The following ATP2C2 variants were observed in gnomAD, a reference collection of about 807,000 sequenced individuals.
ATP2C2 encodes calcium-transporting ATPase type 2C member 2.
In ATP2C2, 171 loss-of-function variants were observed where a neutral mutation model predicts 110.8. The ratio of observed to expected loss-of-function variants is 1.54; its 90% CI spans 1.36 to 1.75. The LOEUF is 1.75. Among genes scored for constraint, ATP2C2 ranks in the 40% most tolerant of loss-of-function variants. The pLI is 0.00. For synonymous variants in ATP2C2, 804 were observed against 508.4 expected (o/e 1.58, Z -7.82); for missense variants, 1,963 against 1,235.0 (o/e 1.59, Z -8.84).
intron 6 of ATP2C2, among the ~76,000 whole-genome samples, chr16:84,411,600 C>G (rs1172295830): frequency 6.6e-6 from 1 of 152,144 alleles, no homozygotes; most frequent in African/African-American, 2.4e-5. Context: ...CACCACTACA[C>G]CTGGCTAATT....
At chr16:84,440,983 G>GA in intron 14 of ATP2C2, 25 bp downstream of exon 14, 1 of 1,561,894 alleles carries the variant, frequency 6.4e-7, no homozygotes, top group Non-Finnish European at 8.8e-7. Flanking sequence ...CGCCATGAGG[G>GA]AAATAGGCAT....
intron 1 of ATP2C2, 73 bp downstream of exon 1, chr16:84,368,787 C>G (rs577340770): frequency 7.9e-7 from 1 of 1,257,866 alleles, no homozygotes; most frequent in Non-Finnish European, 1.1e-6. Context: ...GTCCCCGGCC[C>G]GAGACCCCGC....
At chr16:84,386,793 A>G (rs1904338728) in intron 1 of ATP2C2, among the ~76,000 whole-genome samples, 1 of 152,194 alleles carries the variant, frequency 6.6e-6, no homozygotes, top group Non-Finnish European at 1.5e-5. Flanking sequence ...TGTGACTCAG[A>G]AAAGTCAAGC....
chr16:84,430,515 C>T (rs1239100072), intron 11 of ATP2C2, among the ~76,000 whole-genome samples: 1 of 151,968 alleles, frequency 6.6e-6, no homozygotes, highest in African/African-American at 2.4e-5. Flanking sequence ...GTGGCACGTG[C>T]CTATAATCCC....
chr16:84,390,772 TTTG>T, intron 1 of ATP2C2, among the ~76,000 whole-genome samples: 1 of 152,164 alleles, frequency 6.6e-6, no homozygotes, highest in African/African-American at 2.4e-5. Context: ...CAGTTAATTT[TTTG>T]TTATGTGGAT....
At chr16:84,380,228 C>T (rs1910495785) in intron 1 of ATP2C2, among the ~76,000 whole-genome samples, 1 of 152,108 alleles carries the variant, frequency 6.6e-6, no homozygotes, top group Non-Finnish European at 1.5e-5. Flanking sequence ...CTCCTTCTAC[C>T]CCCTCCCCCA....
chr16:84,390,543 A>G (rs915100972), intron 1 of ATP2C2, among the ~76,000 whole-genome samples: 1 of 152,218 alleles, frequency 6.6e-6, no homozygotes, highest in East Asian at 1.9e-4. Flanking sequence ...AAGGAGGCAC[A>G]GACACAGAAG....
At chr16:84,386,625 C>T (rs1904332688) in intron 1 of ATP2C2, among the ~76,000 whole-genome samples, 1 of 152,198 alleles carries the variant, frequency 6.6e-6, no homozygotes, top group Non-Finnish European at 1.5e-5. Flanking sequence ...ACTGCGTATG[C>T]ACACACAGAC....
intron 3 of ATP2C2, among the ~76,000 whole-genome samples, chr16:84,408,133 T>A (rs534787978): frequency 6.6e-6 from 1 of 152,270 alleles, no homozygotes; most frequent in Admixed American, 6.5e-5. Context: ...CATGGAGATG[T>A]GGAGAGGCGA....
In ATP2C2 at chr16:84,398,537, G is replaced by A. The variant is rs764649566; in HGVS notation, c.138G>A (p.Glu46=). The A allele has an allele frequency of 6.2e-6, 10 of 1,613,530 alleles. No homozygotes were observed. In the Admixed American group the frequency reaches 1.5e-4, roughly 24 times the overall value. The part of the protein sequence containing the change: ...EQSELKAIEK[E]KKVTALPPKE... ...GTGAGCTGAAAGCCATCGAGAAAGA[G>A]AAGAAGGTGACAGCCCTGCCCCCCA... is the stretch of plus-strand genomic sequence containing the variant. Residue 46 remains glutamate (E), a synonymous_variant, in exon 2 of 27, where the codon GAG becomes GAA. Transcript: ENST00000262429.
At chr16:84,400,324 T>TTTTAG (rs1219666546) in intron 2 of ATP2C2, among the ~76,000 whole-genome samples, 1 of 136,372 alleles carries the variant, frequency 7.3e-6, no homozygotes. Flanking sequence ...TATTTTTAGT[T>TTTTAG]TTTTGTTGTT....
chr16:84,389,132 T>C (rs2151406736), intron 1 of ATP2C2, among the ~76,000 whole-genome samples: 1 of 152,292 alleles, frequency 6.6e-6, no homozygotes, highest in Non-Finnish European at 1.5e-5. Context: ...CTCTTCTCTT[T>C]CTCTGAAACC....
chr16:84,381,791 A>G (rs142850704), intron 1 of ATP2C2, among the ~76,000 whole-genome samples: 1 of 152,216 alleles, frequency 6.6e-6, no homozygotes, highest in Admixed American at 6.5e-5. Context: ...TTTTTAGAAC[A>G]ATGTTATAAT....
At chr16:84,394,417 G>A (rs946821055) in intron 1 of ATP2C2, among the ~76,000 whole-genome samples, 2 of 152,044 alleles carry the variant, frequency 1.3e-5, no homozygotes, top group Admixed American at 1.3e-4. Context: ...CCTGTCCCGG[G>A]CCTTTCCTAT....
chr16:84,414,548 G>A (rs1022204419), intron 6 of ATP2C2, among the ~76,000 whole-genome samples: 10 of 152,266 alleles, frequency 6.6e-5, no homozygotes, highest in African/African-American at 2.4e-4. Flanking sequence ...ATGTCTCTCG[G>A]GCCAGTGTTG....
intron 2 of ATP2C2, chr16:84,404,713 A>G (rs1337900954): frequency 2.8e-6 from 1 of 353,248 alleles, no homozygotes; most frequent in Non-Finnish European, 5.5e-6. Context: ...ATATACCCCA[A>G]AGTGGAATTG....
chr16:84,380,919 G>A (rs1399444983), intron 1 of ATP2C2, among the ~76,000 whole-genome samples: 2 of 152,110 alleles, frequency 1.3e-5, no homozygotes, highest in East Asian at 3.8e-4. Context: ...GGTGGCTCAC[G>A]CCTGTAATCC....
At chr16:84,441,160 C>T (rs1317632205) in intron 14 of ATP2C2, among the ~76,000 whole-genome samples, 2 of 152,202 alleles carry the variant, frequency 1.3e-5, no homozygotes, top group Non-Finnish European at 2.9e-5. Context: ...AGGCTGGGCA[C>T]AGTGGCTAAT....
rs1210899923 is a variant in ATP2C2 at position 84,425,731 on chromosome 16, C to T, written c.920-4C>T. The stretch of plus-strand genomic sequence containing the variant: ...AGATAAGGATGTTTTTGTCTCTTCC[C>T]CAGGTCTCATCATGCTCATTGGCTG... On this transcript the variant is annotated splice_polypyrimidine_tract_variant and splice_region_variant and intron_variant, in intron 10 of 26. Transcript: ENST00000262429. 14 of 1,613,894 alleles carry T rather than the reference C, an allele frequency of 8.7e-6. No individual in the cohort carries two copies. Among genetic ancestry groups the T allele is most frequent in the Admixed American group, 6.7e-5 (4 of 59,976 alleles).
Sources: allele counts gnomAD v4.1 joint callset (sites outside exome capture counted in the v4.1 genomes callset), GRCh38; gene constraint gnomAD v4.1.1; transcripts MANE v1.5; gene names NCBI Gene and HGNC (gene_info 2026-07-23, HGNC 2026-07-21).